GRM3: variants seen among roughly 807,000 people sequenced by gnomAD.
The protein encoded by GRM3 is glutamate metabotropic receptor 3, also known as metabotropic glutamate receptor 3.
In GRM3, 26 loss-of-function variants were observed where a neutral mutation model predicts 70.5. The ratio of observed to expected loss-of-function variants is 0.37; its 90% CI spans 0.27 to 0.51. The LOEUF is 0.51. Ranked by LOEUF, GRM3 falls within the 20% of genes least tolerant of loss-of-function variation. The probability of loss-of-function intolerance (pLI) is 0.93; values close to 1 mark genes in which losing one functional copy is unlikely to be tolerated. For missense variants in GRM3, 859 were observed against 1,123.8 expected, an observed-to-expected ratio of 0.76 and a Z score of 3.37; for synonymous variants, 443 against 434.9, an observed-to-expected ratio of 1.02 and a Z score of -0.23.
intron 3 of GRM3, among the ~76,000 whole-genome samples, chr7:86,798,312 G>A (rs75103383): frequency 6.6e-6 from 1 of 152,106 alleles, no homozygotes; most frequent in Non-Finnish European, 1.5e-5. Flanking sequence ...GCCAGGAGGG[G>A]AGCTGTACCC....
chr7:86,759,799 AG>A (rs562463624), intron 1 of GRM3, among the ~76,000 whole-genome samples: 128 of 152,268 alleles, frequency 8.4e-4, no homozygotes, highest in Non-Finnish European at 1.6e-3. Flanking sequence ...TGAAATGATG[AG>A]CTACTCATAA....
Position 86,765,321 on chromosome 7 carries a change from G to T in GRM3, c.176G>T (p.Arg59Leu), listed in dbSNP as rs539317443. 9 of 1,613,734 alleles carry T rather than the reference G, an allele frequency of 5.6e-6. No individual in the cohort carries two copies. Among genetic ancestry groups the T allele is most frequent in the African/African-American group, 2.7e-5 (2 of 74,892 alleles). Residue 59 changes from arginine to leucine, a missense_variant, in exon 2 of 6, where the codon CGA becomes CTA. By Grantham distance (102) the Arg-to-Leu change is moderately radical. Coordinates refer to ENST00000361669, the MANE Select transcript of GRM3 (RefSeq NM_000840.3). ...GGCACTGGAACTGAAGAATGTGGGC[G>T]AATCAATGAAGACCGAGGGATTCAA... is the stretch of plus-strand genomic sequence containing the variant. ...EKGTGTEECG[R>L]INEDRGIQRL... is the part of the protein sequence containing the mutation.
intron 1 of GRM3, among the ~76,000 whole-genome samples, chr7:86,702,429 C>T (rs1000990981): frequency 6.6e-6 from 1 of 151,956 alleles, no homozygotes; most frequent in African/African-American, 2.4e-5. Flanking sequence ...CCCACAACAA[C>T]CAGCTCTATT....
At position 86,773,192 on chromosome 7, in the gene GRM3, G is replaced by A. The variant is rs991316218; in HGVS notation, c.468+7579G>A. ...TTAGTTCCCAGTGTCTACTGTTGCC[G>A]TCTTTATGTACATGTGTACCTAGTA... On this transcript the variant is annotated intron_variant, in intron 2 of 5. Coordinates refer to ENST00000361669, the MANE Select transcript of GRM3 (RefSeq NM_000840.3). Among the ~76,000 whole-genome samples, 9 of 151,874 alleles carry A rather than the reference G, an allele frequency of 5.9e-5. No individual in the cohort carries two copies. The South Asian group carries it at 8.3e-4, about 14-fold the overall frequency.
At chr7:86,818,972 A>G (rs1177596147) in intron 3 of GRM3, among the ~76,000 whole-genome samples, 1 of 152,134 alleles carries the variant, frequency 6.6e-6, no homozygotes, top group Non-Finnish European at 1.5e-5. Context: ...AAGTGGGCAG[A>G]GAGGCCTCAT....
At chr7:86,702,519 T>C (rs1794966793) in intron 1 of GRM3, among the ~76,000 whole-genome samples, 1 of 152,022 alleles carries the variant, frequency 6.6e-6, no homozygotes, top group Non-Finnish European at 1.5e-5. Flanking sequence ...GTATATGGCT[T>C]ATATTCCAAT....
chr7:86,785,747 T>C (rs1450876061), intron 2 of GRM3, among the ~76,000 whole-genome samples: 1 of 138,822 alleles, frequency 7.2e-6, no homozygotes, highest in Non-Finnish European at 1.5e-5. Flanking sequence ...ATGTCTAATC[T>C]GGACTGCCCA....
rs538371777 is a variant in GRM3 at position 86,807,335 on chromosome 7, C to A, written c.1324+20219C>A. Reference sequence around the variant, plus strand: ...CATTGAATCTATAAATTACCTTGGGCAGTATGGCCATTTTCACGATATTGA... The same window carrying A: ...CATTGAATCTATAAATTACCTTGGGAAGTATGGCCATTTTCACGATATTGA... On this transcript the variant is annotated intron_variant, in intron 3 of 5. Coordinates refer to ENST00000361669, the MANE Select transcript of GRM3 (RefSeq NM_000840.3). Among the ~76,000 whole-genome samples the A allele has an allele frequency of 6.1e-4, 56 of 91,654 alleles. 1 individual carries two copies. Among genetic ancestry groups the A allele is most frequent in the African/African-American group, 4.1e-3 (51 of 12,502 alleles). 60.1% of individuals were successfully genotyped at this position (91,654 alleles called of 152,430 possible). A position where few individuals can be genotyped will look rare whatever the true frequency, so the allele number is the denominator to read the frequency against.
intron 3 of GRM3, among the ~76,000 whole-genome samples, chr7:86,834,692 A>C (rs1288170505): frequency 3.3e-5 from 5 of 151,802 alleles, no homozygotes; most frequent in African/African-American, 7.3e-5. Context: ...TTGCTATGAG[A>C]ACAGTGAATT....
chr7:86,843,474 G>T (rs1318421041), intron 4 of GRM3, among the ~76,000 whole-genome samples: 4 of 152,116 alleles, frequency 2.6e-5, no homozygotes, highest in Non-Finnish European at 5.9e-5. Flanking sequence ...AATTTCAAAG[G>T]ATTTTTGAGA....
chr7:86,763,572 C>G (rs1371979957), intron 1 of GRM3, among the ~76,000 whole-genome samples: 1 of 152,154 alleles, frequency 6.6e-6, no homozygotes, highest in Non-Finnish European at 1.5e-5. Flanking sequence ...ATGATCCTCA[C>G]AGCAAGGCTT....
chr7:86,680,742 A>T (rs775105536), intron 1 of GRM3, among the ~76,000 whole-genome samples: 1 of 152,144 alleles, frequency 6.6e-6, no homozygotes, highest in Non-Finnish European at 1.5e-5. Flanking sequence ...CAGAGCTCAC[A>T]TAGCTGACTT....
chr7:86,781,930 T>C (rs560863282), intron 2 of GRM3, among the ~76,000 whole-genome samples: 36 of 152,246 alleles, frequency 2.4e-4, no homozygotes, highest in Non-Finnish European at 5.0e-4. Flanking sequence ...GTCCAAGCAA[T>C]GTCACCAATA....
At chr7:86,817,212 C>T (rs1487050388) in intron 3 of GRM3, among the ~76,000 whole-genome samples, 1 of 151,856 alleles carries the variant, frequency 6.6e-6, no homozygotes. Context: ...ATAGCTTTCT[C>T]CAAGAAACCT....
chr7:86,671,594 A>T (rs2115906032), intron 1 of GRM3, among the ~76,000 whole-genome samples: 1 of 152,290 alleles, frequency 6.6e-6, no homozygotes, highest in Admixed American at 6.5e-5. Context: ...ATTTCAAGTT[A>T]TTTGAGAAAA....
chr7:86,739,056 C>G (rs553503017), intron 1 of GRM3, among the ~76,000 whole-genome samples: 2 of 152,320 alleles, frequency 1.3e-5, no homozygotes, highest in South Asian at 4.1e-4. Context: ...TGGCTCCCTG[C>G]AACCTCTGCC....
intron 1 of GRM3, among the ~76,000 whole-genome samples, chr7:86,662,254 T>G (rs1793913175): frequency 6.6e-6 from 1 of 152,018 alleles, no homozygotes; most frequent in South Asian, 2.1e-4. Flanking sequence ...TTATCCCTGC[T>G]TGAAAATAAG....
intron 1 of GRM3, among the ~76,000 whole-genome samples, chr7:86,686,171 A>C (rs558149447): frequency 1.3e-5 from 2 of 152,318 alleles, no homozygotes; most frequent in Non-Finnish European, 2.9e-5. Flanking sequence ...ATAAGCAGCA[A>C]ATTAAGCGGC....
chr7:86,742,994 C>T (rs570563896), intron 1 of GRM3, among the ~76,000 whole-genome samples: 3 of 152,048 alleles, frequency 2.0e-5, no homozygotes, highest in South Asian at 2.1e-4. Flanking sequence ...ATGTGGAGAC[C>T]GAAGCTCATA....
Sources: allele counts gnomAD v4.1 joint callset (sites outside exome capture counted in the v4.1 genomes callset), GRCh38; gene constraint gnomAD v4.1.1; transcripts MANE v1.5; gene names NCBI Gene and HGNC (gene_info 2026-07-23, HGNC 2026-07-21).